Variants in FAM193A observed in about 807,000 individuals in gnomAD.
FAM193A encodes family with sequence similarity 193 member A.
Under a neutral mutation model 126.5 loss-of-function variants are expected in FAM193A, and 22 were observed. That is an observed-to-expected ratio of 0.17 (90% confidence interval 0.12 to 0.25). The LOEUF (loss-of-function observed/expected upper bound fraction) is 0.25. FAM193A is among the 10% of genes least tolerant of loss of function. The probability of loss-of-function intolerance (pLI) is 1.00; values close to 1 mark genes in which losing one functional copy is unlikely to be tolerated. For missense variants in FAM193A, 1,675 were observed against 1,672.8 expected (o/e 1.00, Z -0.02); for synonymous variants, 761 against 646.8 (o/e 1.18, Z -2.68).
chr4:2,661,815 A>G (rs1712480625), intron 10 of FAM193A, among the ~76,000 whole-genome samples: 1 of 152,164 alleles, frequency 6.6e-6, no homozygotes, highest in Non-Finnish European at 1.5e-5. Context: ...CTGAGCTTAA[A>G]TGTGCCAGCT....
intron 18 of FAM193A, among the ~76,000 whole-genome samples, chr4:2,697,377 C>G (rs879321545): frequency 6.6e-6 from 1 of 152,114 alleles, no homozygotes; most frequent in Admixed American, 6.5e-5. Flanking sequence ...ACTTTTTTCT[C>G]TTGGAGGATT....
At chr4:2,678,344 TGTTTTG>T (rs1411272200) in intron 13 of FAM193A, among the ~76,000 whole-genome samples, 1 of 151,236 alleles carries the variant, frequency 6.6e-6, no homozygotes, top group East Asian at 1.9e-4. Flanking sequence ...GTTGGTGTTT[TGTTTTG>T]GTTTTGGTGG....
At chr4:2,672,423 C>G (rs1427358840) in intron 13 of FAM193A, 51 bp downstream of exon 13, 2 of 1,598,770 alleles carry the variant, frequency 1.3e-6, no homozygotes. Flanking sequence ...TGAGATCCTA[C>G]AGGAGTACAT....
rs986931980 is a variant in FAM193A at position 2,577,422 on chromosome 4, G to GTTTTTTTTTTTTTTTT, written c.256-18648_256-18647insTTTTTTTTTTTTTTTT. On this transcript the variant is annotated intron_variant, in intron 1 of 20. Transcript: ENST00000637812. ...ACTCAATTAAAGTGGTTTTTTTTTT[G>GTTTTTTTTTTTTTTTT]TTTTTTTTTTTTTTGAGACAGAGTC... is the stretch of plus-strand genomic sequence containing the variant. 2.9e-4 allele frequency among the ~76,000 whole-genome samples: 34 copies of GTTTTTTTTTTTTTTTT among 115,560 alleles called. 2 individuals are homozygous for GTTTTTTTTTTTTTTTT. The highest frequency in any genetic ancestry group is 3.6e-4 in the Admixed American group (4 of 11,040). The allele number at this position is 115,560 out of a possible 152,430, so 75.8% of individuals were successfully genotyped here.
intron 1 of FAM193A, among the ~76,000 whole-genome samples, chr4:2,543,299 G>C (rs374274025): frequency 6.6e-6 from 1 of 151,816 alleles, no homozygotes; most frequent in Non-Finnish European, 1.5e-5. Context: ...ATGTTAGCCA[G>C]GATGGTCTCG....
chr4:2,609,571 T>C (rs1185221493), intron 2 of FAM193A, among the ~76,000 whole-genome samples: 3 of 152,258 alleles, frequency 2.0e-5, no homozygotes, highest in East Asian at 3.8e-4. Flanking sequence ...CCAATAGTTA[T>C]TATGCCCATA....
chr4:2,582,109 A>C (rs886925591), intron 1 of FAM193A, among the ~76,000 whole-genome samples: 1 of 151,734 alleles, frequency 6.6e-6, no homozygotes, highest in Non-Finnish European at 1.5e-5. Context: ...TCCATGTGTA[A>C]TGTTTCTTTT....
At chr4:2,544,855 A>G (rs1578562302) in intron 1 of FAM193A, among the ~76,000 whole-genome samples, 2 of 152,108 alleles carry the variant, frequency 1.3e-5, no homozygotes, top group East Asian at 3.8e-4. Flanking sequence ...CCTGGGTGAC[A>G]GGGAGACCTC....
chr4:2,724,916 C>T (rs1244893132), intron 20 of FAM193A, among the ~76,000 whole-genome samples: 1 of 152,086 alleles, frequency 6.6e-6, no homozygotes, highest in Non-Finnish European at 1.5e-5. Context: ...GCTCTTGTCA[C>T]CCAGACTGGA....
intron 19 of FAM193A, among the ~76,000 whole-genome samples, chr4:2,707,897 G>A (rs1189411649): frequency 1.3e-5 from 2 of 151,656 alleles, no homozygotes; most frequent in East Asian, 3.9e-4. Context: ...TACAGGTGCC[G>A]CACCAGCACA....
chr4:2,627,935 G>A (rs1743142110), intron 4 of FAM193A, among the ~76,000 whole-genome samples: 1 of 152,014 alleles, frequency 6.6e-6, no homozygotes, highest in Non-Finnish European at 1.5e-5. Flanking sequence ...GTAGAGATGG[G>A]GTTTCACCAT....
At chr4:2,625,984 A>G (rs912932171) in intron 3 of FAM193A, among the ~76,000 whole-genome samples, 1 of 152,092 alleles carries the variant, frequency 6.6e-6, no homozygotes, top group African/African-American at 2.4e-5. Context: ...TTCACCTCCC[A>G]GAGTGCTGGG....
intron 20 of FAM193A, among the ~76,000 whole-genome samples, chr4:2,722,128 C>T (rs1009814634): frequency 1.3e-4 from 20 of 152,172 alleles, no homozygotes; most frequent in Non-Finnish European, 4.4e-5. Context: ...GACAGCACGG[C>T]GCCACGGTTA....
intron 19 of FAM193A, among the ~76,000 whole-genome samples, chr4:2,701,369 T>A (rs1420418952): frequency 1.3e-5 from 2 of 152,084 alleles, no homozygotes; most frequent in Non-Finnish European, 2.9e-5. Flanking sequence ...TAATTTCCTT[T>A]CCTTTGGATC....
At chr4:2,679,495 T>G (rs1028161430) in intron 13 of FAM193A, among the ~76,000 whole-genome samples, 8 of 147,240 alleles carry the variant, frequency 5.4e-5, no homozygotes, top group Non-Finnish European at 6.0e-5. Flanking sequence ...TTCTCCTGCC[T>G]CAGCCTCCAG....
intron 1 of FAM193A, among the ~76,000 whole-genome samples, chr4:2,551,464 C>T (rs1737911524): frequency 6.6e-6 from 1 of 152,256 alleles, no homozygotes; most frequent in African/African-American, 2.4e-5. Context: ...TTAATGCTGG[C>T]TTCATTAAAG....
At chr4:2,580,973 C>G (rs896700761) in intron 1 of FAM193A, among the ~76,000 whole-genome samples, 4 of 151,946 alleles carry the variant, frequency 2.6e-5, no homozygotes, top group Non-Finnish European at 5.9e-5. Flanking sequence ...ACTAAAAATA[C>G]AAAAAATTAG....
intron 1 of FAM193A, among the ~76,000 whole-genome samples, chr4:2,564,747 A>G (rs545349687): frequency 1.3e-5 from 2 of 152,256 alleles, no homozygotes; most frequent in Non-Finnish European, 2.9e-5. Context: ...AATGGTTAGA[A>G]TAAATGATGG....
At chr4:2,623,115 T>C (rs896054394) in intron 2 of FAM193A, among the ~76,000 whole-genome samples, 2 of 151,860 alleles carry the variant, frequency 1.3e-5, no homozygotes, top group Admixed American at 1.3e-4. Flanking sequence ...TGGGATTCTT[T>C]CAGGATGACA....
Sources: allele counts gnomAD v4.1 joint callset (sites outside exome capture counted in the v4.1 genomes callset), GRCh38; gene constraint gnomAD v4.1.1; transcripts MANE v1.5; gene names NCBI Gene and HGNC (gene_info 2026-07-23, HGNC 2026-07-21).